The following CNTN5 variants were observed in gnomAD, a reference collection of about 807,000 sequenced individuals.
CNTN5 encodes the protein contactin-5.
CNTN5 carries 77 observed loss-of-function variants against 129.1 expected under a neutral mutation model. That is an observed-to-expected ratio of 0.60 (90% CI 0.50 to 0.72). CNTN5 has a LOEUF of 0.72. Ranked by LOEUF, CNTN5 falls within the 30% of genes least tolerant of loss-of-function variation. The pLI is 0.00. For synonymous variants in CNTN5, 509 were observed against 465.6 expected, an observed-to-expected ratio of 1.09 and a Z score of -1.20; for missense variants, 1,478 against 1,328.8, an observed-to-expected ratio of 1.11 and a Z score of -1.75.
chr11:100,183,221 GT>G (rs1191169742), intron 13 of CNTN5, among the ~76,000 whole-genome samples: 2 of 152,138 alleles, frequency 1.3e-5, no homozygotes, highest in Non-Finnish European at 2.9e-5. Context: ...GCATAAAGAA[GT>G]TGATCTAGTC....
chr11:99,204,671 G>A (rs11218805), intron 1 of CNTN5, among the ~76,000 whole-genome samples: 53,639 of 152,004 alleles, frequency 0.35, 9,564 homozygotes, highest in Middle Eastern at 0.4. Context: ...CCAGAACTGA[G>A]TATATAACTG....
In CNTN5 at chr11:100,006,703, A is replaced by G. The variant is rs770564; in HGVS notation, c.980+4567A>G. On this transcript the variant is annotated intron_variant, in intron 9 of 24. Transcript: ENST00000524871. ...CCCCTCCAAGTTATCCATGAGGGTTAGAACCACTTCTTCCAAATTCCTATT... is the reference window on the plus strand; with the variant it reads ...CCCCTCCAAGTTATCCATGAGGGTTGGAACCACTTCTTCCAAATTCCTATT... 7.6e-3 allele frequency among the ~76,000 whole-genome samples: 1,164 copies of G among 152,258 alleles called. 16 individuals are homozygous for G. Among genetic ancestry groups the G allele is most frequent in the Non-Finnish European group, 0.01 (697 of 68,014 alleles).
At chr11:99,853,826 T>C (rs1382236222) in intron 6 of CNTN5, among the ~76,000 whole-genome samples, 1 of 152,034 alleles carries the variant, frequency 6.6e-6, no homozygotes, top group Non-Finnish European at 1.5e-5. Flanking sequence ...TGACCTAATG[T>C]ATAAGTGGAG....
At chr11:100,121,096 A>G (rs755197406) in intron 13 of CNTN5, among the ~76,000 whole-genome samples, 6 of 152,022 alleles carry the variant, frequency 3.9e-5, no homozygotes, top group South Asian at 4.1e-4. Flanking sequence ...CCTCAGAATG[A>G]AGACCCAACT....
At chr11:99,795,198 A>G (rs1945890360) in intron 3 of CNTN5, among the ~76,000 whole-genome samples, 1 of 152,174 alleles carries the variant, frequency 6.6e-6, no homozygotes, top group South Asian at 2.1e-4. Flanking sequence ...TTCTGCCCTC[A>G]GTTTGATCAG....
intron 1 of CNTN5, among the ~76,000 whole-genome samples, chr11:99,185,495 G>A (rs1370153457): frequency 6.6e-6 from 1 of 151,814 alleles, no homozygotes; most frequent in Non-Finnish European, 1.5e-5. Flanking sequence ...AGAGTTAATG[G>A]CCTATTCTTT....
chr11:99,188,734 TTTAA>T (rs1052964080), intron 1 of CNTN5, among the ~76,000 whole-genome samples: 40 of 151,858 alleles, frequency 2.6e-4, no homozygotes, highest in African/African-American at 9.6e-4. Flanking sequence ...TTTCTTTATG[TTTAA>T]TTGACAAAAA....
At chr11:99,281,813 C>T (rs1863710825) in intron 1 of CNTN5, among the ~76,000 whole-genome samples, 1 of 151,768 alleles carries the variant, frequency 6.6e-6, no homozygotes, top group African/African-American at 2.4e-5. Context: ...AATGTTTTTA[C>T]TTCACTTATT....
chr11:99,119,354 C>T (rs1197117119), intron 1 of CNTN5, among the ~76,000 whole-genome samples: 1 of 152,132 alleles, frequency 6.6e-6, no homozygotes, highest in East Asian at 1.9e-4. Flanking sequence ...GTCTTCTCAT[C>T]ATTTGGCTCC....
chr11:99,470,551 T>G (rs1945131354), intron 2 of CNTN5, among the ~76,000 whole-genome samples: 1 of 152,144 alleles, frequency 6.6e-6, no homozygotes, highest in Non-Finnish European at 1.5e-5. Flanking sequence ...TGGTTCATTT[T>G]TCAAGTAGAA....
At chr11:100,019,212 T>C (rs1357466465) in intron 9 of CNTN5, among the ~76,000 whole-genome samples, 1 of 151,946 alleles carries the variant, frequency 6.6e-6, no homozygotes, top group Non-Finnish European at 1.5e-5. Flanking sequence ...CTAAGATATA[T>C]TTGCCTAAAC....
chr11:99,474,234 G>A (rs1440491481), intron 2 of CNTN5, among the ~76,000 whole-genome samples: 1 of 151,556 alleles, frequency 6.6e-6, no homozygotes, highest in African/African-American at 2.4e-5. Context: ...TAATATTTTG[G>A]ATATTTCTTT....
intron 13 of CNTN5, among the ~76,000 whole-genome samples, chr11:100,177,746 A>T (rs1318352149): frequency 2.0e-5 from 3 of 152,190 alleles, no homozygotes; most frequent in African/African-American, 7.2e-5. Context: ...CGTAGAGTTT[A>T]AAGTTCTGTT....
intron 21 of CNTN5, among the ~76,000 whole-genome samples, chr11:100,319,806 T>A (rs1565426194): frequency 6.6e-6 from 1 of 152,222 alleles, no homozygotes; most frequent in African/African-American, 2.4e-5. Flanking sequence ...ATGTGGTATT[T>A]GTCTTTCTGT....
chr11:99,303,563 T>A (rs1229061765), intron 1 of CNTN5, among the ~76,000 whole-genome samples: 2 of 150,848 alleles, frequency 1.3e-5, no homozygotes, highest in African/African-American at 4.9e-5. Context: ...TAGAAAATCT[T>A]GACCCAAACT....
chr11:99,412,524 A>G (rs961332757), intron 2 of CNTN5, among the ~76,000 whole-genome samples: 1 of 152,168 alleles, frequency 6.6e-6, no homozygotes, highest in East Asian at 1.9e-4. Flanking sequence ...CATCATCGTC[A>G]TCATTGGACA....
intron 3 of CNTN5, among the ~76,000 whole-genome samples, chr11:99,677,488 T>A (rs1953342307): frequency 6.6e-6 from 1 of 152,164 alleles, no homozygotes; most frequent in Admixed American, 6.6e-5. Context: ...TCTTAGTTAA[T>A]ACATGACCTT....
intron 3 of CNTN5, among the ~76,000 whole-genome samples, chr11:99,575,845 C>T (rs2466905): frequency 0.86 from 131,048 of 152,108 alleles, 56,742 homozygotes; most frequent in Non-Finnish European, 0.91. Context: ...GAGAAGAGCA[C>T]CAGCATAAGA....
At chr11:99,523,649 T>TC (rs1947362178) in intron 2 of CNTN5, among the ~76,000 whole-genome samples, 1 of 116,436 alleles carries the variant, frequency 8.6e-6, no homozygotes, top group African/African-American at 3.6e-5. Flanking sequence ...TAGAATAGAA[T>TC]AGAACAGAAC....
Sources: gnomAD v4.1 joint callset for allele counts (sites outside exome capture counted in the v4.1 genomes callset) on GRCh38, gnomAD v4.1.1 for gene constraint, MANE v1.5 for transcripts, NCBI Gene and HGNC (gene_info 2026-07-23, HGNC 2026-07-21) for gene names.